The following XRN2 variants were observed in gnomAD, a reference collection of about 807,000 sequenced individuals.
XRN2 encodes DHM1-like protein.
XRN2 carries 44 observed loss-of-function variants against 138.5 expected under a neutral mutation model. The ratio of observed to expected loss-of-function variants is 0.32; its 90% confidence interval spans 0.25 to 0.41. The LOEUF (loss-of-function observed/expected upper bound fraction) is 0.41, where lower values mean the gene tolerates loss of function less well. Ranked by LOEUF, XRN2 falls within the 10% of genes least tolerant of loss-of-function variation. XRN2 has a pLI of 1.00. For missense variants in XRN2, 937 were observed against 1,169.3 expected (o/e 0.80, Z 2.90); for synonymous variants, 354 against 369.4 (o/e 0.96, Z 0.48).
intron 24 of XRN2, among the ~76,000 whole-genome samples, chr20:21,362,699 C>G (rs1485585422): frequency 6.6e-6 from 1 of 152,188 alleles, no homozygotes; most frequent in Non-Finnish European, 1.5e-5. Context: ...TACCTTTCTT[C>G]CTGCCCCACT....
At chr20:21,303,771 G>T in intron 1 of XRN2, 2 of 1,167,674 alleles carry the variant, frequency 1.7e-6, no homozygotes, top group Non-Finnish European at 2.1e-6. Flanking sequence ...CCCGCCCACT[G>T]CTTTGTTTCC....
chr20:21,365,985 G>A (rs1243969638), intron 26 of XRN2, among the ~76,000 whole-genome samples: 31 of 100,780 alleles, frequency 3.1e-4, no homozygotes, highest in Non-Finnish European at 4.5e-4. Flanking sequence ...GTGCCCGGCC[G>A]AAACCCAGTA....
intron 28 of XRN2, among the ~76,000 whole-genome samples, chr20:21,384,993 T>G (rs191197788): frequency 3.3e-5 from 5 of 152,208 alleles, no homozygotes; most frequent in Non-Finnish European, 7.3e-5. Context: ...CATCCTTGCT[T>G]TGTTCTTCTG....
intron 23 of XRN2, among the ~76,000 whole-genome samples, chr20:21,356,983 A>G (rs529502283): frequency 6.6e-6 from 1 of 152,286 alleles, no homozygotes; most frequent in African/African-American, 2.4e-5. Context: ...GGAGTTTTCC[A>G]GAGGCCTCTC....
chr20:21,317,476 A>C (rs2037975939), intron 1 of XRN2, among the ~76,000 whole-genome samples: 1 of 152,108 alleles, frequency 6.6e-6, no homozygotes, highest in African/African-American at 2.4e-5. Flanking sequence ...GGTGTATAAT[A>C]TTTTAATATA....
At chr20:21,303,693 C>T (rs1487497948) in intron 1 of XRN2, 7 of 1,285,012 alleles carry the variant, frequency 5.4e-6, no homozygotes, top group South Asian at 2.4e-5. Flanking sequence ...GGGGCAAGGG[C>T]CTATAGGGTT....
intron 1 of XRN2, among the ~76,000 whole-genome samples, chr20:21,318,141 T>G (rs780252974): frequency 1.3e-5 from 2 of 152,218 alleles, no homozygotes; most frequent in Non-Finnish European, 2.9e-5. Flanking sequence ...TCTTGAATCA[T>G]TTTTGGTAGT....
intron 20 of XRN2, among the ~76,000 whole-genome samples, chr20:21,352,732 TAG>T (rs1255719148): frequency 6.6e-6 from 1 of 152,168 alleles, no homozygotes; most frequent in African/African-American, 2.4e-5. Context: ...TATATATGAA[TAG>T]AGAATTTAAG....
intron 24 of XRN2, among the ~76,000 whole-genome samples, chr20:21,361,289 G>A (rs550823011): frequency 6.6e-6 from 1 of 152,254 alleles, no homozygotes; most frequent in East Asian, 1.9e-4. Flanking sequence ...CCCTTGATGT[G>A]TTTATGAAGA....
chr20:21,367,683 A>G (rs914361166), intron 26 of XRN2, among the ~76,000 whole-genome samples: 1 of 152,226 alleles, frequency 6.6e-6, no homozygotes, highest in African/African-American at 2.4e-5. Context: ...CGCTTAGGGT[A>G]GTTCCTAAAC....
At chr20:21,310,524 G>GATA in intron 1 of XRN2, among the ~76,000 whole-genome samples, 1 of 152,180 alleles carries the variant, frequency 6.6e-6, no homozygotes, top group East Asian at 1.9e-4. Flanking sequence ...TTTTTTGGTG[G>GATA]ATAATACACT....
intron 3 of XRN2, 134 bp from the exon 4 acceptor site, chr20:21,328,425 G>A: frequency 1.2e-6 from 1 of 859,518 alleles, no homozygotes; most frequent in East Asian, 2.8e-5. Flanking sequence ...GTCATGAAAG[G>A]ATTATTAGAC....
intron 1 of XRN2, among the ~76,000 whole-genome samples, chr20:21,323,623 A>G (rs1038571811): frequency 5.9e-5 from 9 of 152,172 alleles, no homozygotes; most frequent in African/African-American, 2.2e-4. Flanking sequence ...TCTTGAGGGG[A>G]AAATATATTC....
chr20:21,345,482 G>A lies in XRN2; in HGVS notation c.1530-933G>A, dbSNP rs940179904. 2.6e-5 allele frequency among the ~76,000 whole-genome samples: 4 copies of A among 152,108 alleles called. No homozygotes were observed. In the South Asian group the frequency reaches 6.2e-4, roughly 24 times the overall value. On this transcript the variant is annotated intron_variant, in intron 16 of 29. Transcript: ENST00000377191. Reference sequence around the variant, plus strand: ...ATATGGTATATTCTGAAACATGACTGCAATTAATATGTGAAATCTGGCACA... The same window carrying A: ...ATATGGTATATTCTGAAACATGACTACAATTAATATGTGAAATCTGGCACA...
intron 27 of XRN2, among the ~76,000 whole-genome samples, chr20:21,370,777 AT>A (rs1185647253): frequency 6.6e-6 from 1 of 152,210 alleles, no homozygotes; most frequent in African/African-American, 2.4e-5. Context: ...GACTTCATAG[AT>A]TTTACATTGA....
chr20:21,379,535 C>G lies in XRN2; in HGVS notation c.2585-2459C>G, dbSNP rs118073381. The stretch of plus-strand genomic sequence containing the variant: ...TTTGGAAAATTTGCTTAGGTTTTAA[C>G]AAAAAACTGTAATTTTTGTATGTGC... On this transcript the variant is annotated intron_variant, in intron 27 of 29. Transcript: ENST00000377191. 1.8e-3 allele frequency among the ~76,000 whole-genome samples: 281 copies of G among 152,062 alleles called. 9 individuals are homozygous for G. The East Asian group carries it at 0.047, about 25-fold the overall frequency.
At chr20:21,356,322 A>G (rs1337395330) in intron 22 of XRN2, 145 bp downstream of exon 22, 2 of 653,374 alleles carry the variant, frequency 3.1e-6, no homozygotes, top group Non-Finnish European at 5.0e-6. Context: ...AACCATTAGC[A>G]CTTTTTCAGA....
rs181806650 is a variant in XRN2 at position 21,339,806 on chromosome 20, A to C, written c.1278+718A>C. 2.1e-3 allele frequency among the ~76,000 whole-genome samples: 316 copies of C among 152,292 alleles called. 1 individual carries two copies. Among genetic ancestry groups the C allele is most frequent in the Non-Finnish European group, 3.1e-3 (211 of 68,026 alleles). On this transcript the variant is annotated intron_variant, in intron 14 of 29. Coordinates refer to ENST00000377191, the MANE Select transcript of XRN2 (RefSeq NM_012255.5). ...CTTACTTAATTGCATAATGCTTTAT[A>C]GTCATTTAACTTCTTTAGTTCTTGT...
At position 21,333,961 on chromosome 20, in the gene XRN2, T is replaced by G. The variant is rs780510804; in HGVS notation, c.1092T>G (p.Val364=). The G allele has an allele frequency of 2.5e-6, 4 of 1,614,184 alleles. No homozygotes were observed. In the East Asian group the frequency reaches 8.9e-5, roughly 36 times the overall value. Residue 364 remains valine (V), a synonymous_variant, in exon 12 of 30, where the codon GTT becomes GTG. Coordinates refer to ENST00000377191, the MANE Select transcript of XRN2 (RefSeq NM_012255.5). ...GGGAAAATGCAATTGACCGTTTGGTTAACATATACAAAAATGTGGTACACA... is the reference window on the plus strand; with the variant it reads ...GGGAAAATGCAATTGACCGTTTGGTGAACATATACAAAAATGTGGTACACA... ...EIRENAIDRL[V]NIYKNVVHKT...
Sources: allele counts gnomAD v4.1 joint callset (sites outside exome capture counted in the v4.1 genomes callset), GRCh38; gene constraint gnomAD v4.1.1; transcripts MANE v1.5; gene names NCBI Gene and HGNC (gene_info 2026-07-23, HGNC 2026-07-21).